The following TEX11 variants were observed in gnomAD, a reference collection of about 807,000 sequenced individuals.
TEX11 encodes the protein testis-expressed protein 11.
TEX11 carries 7 observed loss-of-function variants against 84.4 expected under a neutral mutation model. The observed-to-expected ratio is 0.08, with a 90% confidence interval of 0.05 to 0.16. The LOEUF (loss-of-function observed/expected upper bound fraction) is 0.16, where lower values mean the gene tolerates loss of function less well. Ranked by LOEUF, TEX11 falls within the 10% of genes least tolerant of loss-of-function variation. TEX11 has a pLI of 1.00. For synonymous variants in TEX11, 264 were observed against 222.8 expected (o/e 1.18, Z -1.64); for missense variants, 551 against 660.5 (o/e 0.83, Z 1.82).
At chrX:70,876,306 G>T (rs990217093) in intron 3 of TEX11, among the ~76,000 whole-genome samples, 1 of 111,579 alleles carries the variant, frequency 9.0e-6, no homozygotes, top group Admixed American at 9.6e-5. Flanking sequence ...TGGTGTGTTT[G>T]CATGTGATTT....
intron 9 of TEX11, among the ~76,000 whole-genome samples, chrX:70,753,967 G>A (rs892703513): frequency 7.3e-5 from 8 of 110,254 alleles, no homozygotes; most frequent in East Asian, 2.9e-4. Flanking sequence ...CGAGGACTTC[G>A]GGTGAGACCC....
chrX:70,718,911 C>A (rs1275870256), intron 13 of TEX11, among the ~76,000 whole-genome samples: 1 of 111,585 alleles, frequency 9.0e-6, no homozygotes, highest in South Asian at 3.7e-4. Context: ...TATATCTAGG[C>A]CAACTTCTCC....
chrX:70,581,550 G>A (rs1394859745), intron 25 of TEX11, among the ~76,000 whole-genome samples: 3 of 110,337 alleles, frequency 2.7e-5, no homozygotes, highest in Middle Eastern at 4.7e-3. Flanking sequence ...CACCCACCTC[G>A]GCCTCCCAAA....
At chrX:70,639,148 A>C (rs2089613351) in intron 17 of TEX11, among the ~76,000 whole-genome samples, 1 of 111,657 alleles carries the variant, frequency 9.0e-6, no homozygotes, top group Non-Finnish European at 1.9e-5. Flanking sequence ...TAATCAAAGA[A>C]AGGGGTGACG....
chrX:70,521,091 C>A, the TEX11 span, among the ~76,000 whole-genome samples: 1 of 111,475 alleles, frequency 9.0e-6, no homozygotes, highest in East Asian at 2.8e-4. Flanking sequence ...CTTGTGCTTC[C>A]TGGGTGAGGT....
At chrX:70,783,556 C>T (rs997327239) in intron 9 of TEX11, among the ~76,000 whole-genome samples, 9 of 110,901 alleles carry the variant, frequency 8.1e-5, no homozygotes, top group Non-Finnish European at 1.7e-4. Context: ...TTGAAAAGAT[C>T]AACAAAATTG....
intron 9 of TEX11, among the ~76,000 whole-genome samples, chrX:70,799,099 A>G (rs1158270690): frequency 1.8e-5 from 2 of 111,899 alleles, no homozygotes; most frequent in Non-Finnish European, 3.8e-5. Flanking sequence ...AAACTTTTGG[A>G]AAAATGGAAT....
chrX:70,738,690 G>A (rs2090713639), intron 11 of TEX11, among the ~76,000 whole-genome samples: 1 of 111,956 alleles, frequency 8.9e-6, no homozygotes, highest in African/African-American at 3.2e-5. Flanking sequence ...CAAGGACTTG[G>A]AACCAACCCA....
intron 9 of TEX11, among the ~76,000 whole-genome samples, chrX:70,784,044 A>G (rs957336162): frequency 3.6e-5 from 4 of 111,952 alleles, no homozygotes; most frequent in Admixed American, 1.9e-4. Flanking sequence ...ATTTTAGACC[A>G]ATATCCCTGA....
At chrX:70,825,120 T>G (rs1011604710) in intron 8 of TEX11, among the ~76,000 whole-genome samples, 13 of 110,192 alleles carry the variant, frequency 1.2e-4, no homozygotes, top group Non-Finnish European at 2.5e-4. Context: ...GAGACCAGCC[T>G]GGCCAACATG....
At chrX:70,767,091 A>T (rs2090945245) in intron 9 of TEX11, among the ~76,000 whole-genome samples, 1 of 112,064 alleles carries the variant, frequency 8.9e-6, no homozygotes, top group African/African-American at 3.2e-5. Context: ...ACAAGCACTG[A>T]CACAAAAGCA....
chrX:70,545,793 T>A (rs189200640), intron 28 of TEX11, among the ~76,000 whole-genome samples: 23 of 111,782 alleles, frequency 2.1e-4, no homozygotes, highest in Admixed American at 7.7e-4. Flanking sequence ...TGCCTTACGA[T>A]GGCTATGATG....
In TEX11 at chrX:70,747,578, G is replaced by A. The variant is rs1411798822; in HGVS notation, c.693-3359C>T. 6.3e-5 allele frequency among the ~76,000 whole-genome samples: 7 copies of A among 111,481 alleles called. No individual in the cohort carries two copies. The Admixed American group carries it at 6.7e-4, about 11-fold the overall frequency. ...CCTACACAGAAGAAAAAAAGCAAAA[G>A]AAACTTCCTTTGAGGAGGCCCCAAT... On this transcript the variant is annotated intron_variant, in intron 9 of 29. Coordinates refer to ENST00000374333, the MANE Select transcript of TEX11 (RefSeq NM_031276.3).
intron 13 of TEX11, among the ~76,000 whole-genome samples, chrX:70,721,164 A>T (rs889174830): frequency 8.9e-6 from 1 of 111,853 alleles, no homozygotes; most frequent in Non-Finnish European, 1.9e-5. Context: ...AAGTATCAGT[A>T]AATGTTAGCT....
At chrX:70,815,708 C>T (rs1047236280) in intron 8 of TEX11, among the ~76,000 whole-genome samples, 26 of 111,202 alleles carry the variant, frequency 2.3e-4, no homozygotes, top group African/African-American at 7.5e-4. Flanking sequence ...ATGTCCCCCA[C>T]GGATAAGGGG....
chrX:70,556,226 CT>C (rs1036546110), intron 25 of TEX11, among the ~76,000 whole-genome samples: 2 of 109,136 alleles, frequency 1.8e-5, no homozygotes, highest in Non-Finnish European at 1.9e-5. Flanking sequence ...TGAGACCTTT[CT>C]TTTTTTTTCT....
intron 24 of TEX11, among the ~76,000 whole-genome samples, chrX:70,595,064 AAT>A (rs2088986621): frequency 9.0e-6 from 1 of 111,500 alleles, no homozygotes; most frequent in Non-Finnish European, 1.9e-5. Flanking sequence ...AAGAAACCAT[AAT>A]ATATACTTTC....
At chrX:70,644,500 T>C (rs1483429461) in intron 17 of TEX11, among the ~76,000 whole-genome samples, 4 of 108,622 alleles carry the variant, frequency 3.7e-5, no homozygotes, top group African/African-American at 1.3e-4. Flanking sequence ...TTATTCACAA[T>C]AGCAAAGGCT....
rs753639002 is a variant in TEX11 at position 70,725,246 on chromosome X, C to T, written c.925+16G>A. On this transcript the variant is annotated intron_variant, in intron 12 of 29. Coordinates refer to ENST00000374333, the MANE Select transcript of TEX11 (RefSeq NM_031276.3). ...ATGTTTCAAAATGGTGTGCTCTTCA[C>T]ATACAGAGATCATACCTTCAAGGAG... The T allele has an allele frequency of 3.6e-5, 41 of 1,132,632 alleles. No individual in the cohort carries two copies. The East Asian group carries it at 1.2e-3, about 34-fold the overall frequency. 93.3% of individuals were successfully genotyped at this position (1,132,632 alleles called of 1,213,427 possible).
Sources: allele counts gnomAD v4.1 joint callset (sites outside exome capture counted in the v4.1 genomes callset), GRCh38; gene constraint gnomAD v4.1.1; transcripts MANE v1.5; gene names NCBI Gene and HGNC (gene_info 2026-07-23, HGNC 2026-07-21).